STXBP5L: variants seen among roughly 807,000 people sequenced by gnomAD.
STXBP5L encodes syntaxin binding protein 5L, also known as syntaxin-binding protein 5-like.
In STXBP5L, 65 loss-of-function variants were observed where a neutral mutation model predicts 144.5. That is an observed-to-expected ratio of 0.45 (90% CI 0.37 to 0.55). The LOEUF (loss-of-function observed/expected upper bound fraction) is 0.55. Among genes scored for constraint, STXBP5L ranks in the 20% least tolerant of loss-of-function variants. The pLI, the probability that STXBP5L is intolerant of heterozygous loss-of-function variation, is 0.00. For synonymous variants in STXBP5L, 505 were observed against 469.6 expected, an observed-to-expected ratio of 1.08 and a Z score of -0.97; for missense variants, 1,298 against 1,405.5, an observed-to-expected ratio of 0.92 and a Z score of 1.22.
intron 22 of STXBP5L, 91 bp downstream of exon 22, chr3:121,381,623 C>G (rs1166819748): frequency 6.6e-7 from 1 of 1,507,256 alleles, no homozygotes; most frequent in Non-Finnish European, 8.9e-7. Context: ...TGATTTGGAG[C>G]AAAGGTTATA....
At chr3:120,982,321 C>G (rs1385004216) in intron 3 of STXBP5L, among the ~76,000 whole-genome samples, 1 of 152,162 alleles carries the variant, frequency 6.6e-6, no homozygotes, top group African/African-American at 2.4e-5. Context: ...CTGGGTGGAA[C>G]TGGACATCCA....
chr3:120,989,504 G>GT (rs1942624934), intron 3 of STXBP5L, among the ~76,000 whole-genome samples: 1 of 152,024 alleles, frequency 6.6e-6, no homozygotes, highest in African/African-American at 2.4e-5. Context: ...TTGTTGAGTT[G>GT]TTTGAATTCC....
chr3:121,215,119 G>A (rs1473898322), intron 10 of STXBP5L, among the ~76,000 whole-genome samples: 6 of 151,690 alleles, frequency 4.0e-5, no homozygotes, highest in Admixed American at 6.6e-5. Context: ...ATGGGTCTCC[G>A]TAATACAGCA....
At chr3:121,371,748 G>C (rs538024923) in intron 20 of STXBP5L, among the ~76,000 whole-genome samples, 2 of 152,356 alleles carry the variant, frequency 1.3e-5, no homozygotes, top group Admixed American at 1.3e-4. Flanking sequence ...CATGCTGGTA[G>C]TGGTGGCCGC....
intron 5 of STXBP5L, among the ~76,000 whole-genome samples, chr3:121,095,998 C>T (rs2043103234): frequency 6.6e-6 from 1 of 151,892 alleles, no homozygotes. Context: ...TAGTGTCTGT[C>T]ACCGCTTCTC....
At chr3:120,982,449 C>T (rs989869060) in intron 3 of STXBP5L, among the ~76,000 whole-genome samples, 4 of 152,170 alleles carry the variant, frequency 2.6e-5, no homozygotes, top group Admixed American at 2.6e-4. Flanking sequence ...GCTGCACCAG[C>T]TTCACATCCT....
At chr3:120,953,136 T>C (rs1030587836) in intron 2 of STXBP5L, among the ~76,000 whole-genome samples, 7 of 151,914 alleles carry the variant, frequency 4.6e-5, no homozygotes, top group Admixed American at 3.3e-4. Flanking sequence ...TGTCAGGCAT[T>C]GTTCTAACAA....
intron 9 of STXBP5L, among the ~76,000 whole-genome samples, chr3:121,185,126 C>T (rs910524642): frequency 2.0e-5 from 3 of 152,056 alleles, no homozygotes; most frequent in African/African-American, 7.2e-5. Context: ...TAAAGACCAT[C>T]GACACTCTGA....
At position 120,984,632 on chromosome 3, in the gene STXBP5L, C is replaced by CTTTTTTTTTTTTTTT. The variant is rs35656223; in HGVS notation, c.287+29603_287+29617dup. Among the ~76,000 whole-genome samples, 83 of 71,960 alleles carry CTTTTTTTTTTTTTTT rather than the reference C, an allele frequency of 1.2e-3. 1 individual carries two copies. Among genetic ancestry groups the CTTTTTTTTTTTTTTT allele is most frequent in the African/African-American group, 2.4e-3 (39 of 16,280 alleles). 47.2% of individuals were successfully genotyped at this position (71,960 alleles called of 152,430 possible). On this transcript the variant is annotated intron_variant, in intron 3 of 26. Transcript: ENST00000471454. Reference sequence around the variant, plus strand: ...TGGATGCCTTTCATTTCTTTCTTTCCTTTTTTTTTTTTTTTTTTTTTTGCC... The same window carrying CTTTTTTTTTTTTTTT: ...TGGATGCCTTTCATTTCTTTCTTTCCTTTTTTTTTTTTTTTTTTTTTTTTTTTTTTTTTTTTTGCC...
At chr3:121,321,729 C>G (rs1035682317) in intron 20 of STXBP5L, among the ~76,000 whole-genome samples, 1 of 152,178 alleles carries the variant, frequency 6.6e-6, no homozygotes, top group Non-Finnish European at 1.5e-5. Flanking sequence ...TCAGCTCTCA[C>G]CCCTTTAAAT....
chr3:121,146,922 G>T (rs893730635), intron 7 of STXBP5L, among the ~76,000 whole-genome samples: 4 of 152,010 alleles, frequency 2.6e-5, no homozygotes, highest in African/African-American at 7.2e-5. Flanking sequence ...CATGATGTGT[G>T]TGTATGTATA....
intron 11 of STXBP5L, among the ~76,000 whole-genome samples, chr3:121,231,594 T>G (rs772786648): frequency 3.9e-5 from 6 of 152,162 alleles, no homozygotes; most frequent in Non-Finnish European, 5.9e-5. Flanking sequence ...TTCCCCATTT[T>G]GCTTGGAAGT....
chr3:121,361,841 G>T (rs2045721575), intron 20 of STXBP5L, among the ~76,000 whole-genome samples: 1 of 152,046 alleles, frequency 6.6e-6, no homozygotes, highest in South Asian at 2.1e-4. Context: ...CCTGGATAGT[G>T]TTGATGCTAG....
At chr3:120,995,116 A>T (rs1347136284) in intron 3 of STXBP5L, among the ~76,000 whole-genome samples, 1 of 152,102 alleles carries the variant, frequency 6.6e-6, no homozygotes, top group Non-Finnish European at 1.5e-5. Context: ...TCTGCAAATT[A>T]AAAAAGTGTT....
At chr3:121,179,229 A>G (rs1233148876) in intron 9 of STXBP5L, among the ~76,000 whole-genome samples, 3 of 152,126 alleles carry the variant, frequency 2.0e-5, no homozygotes, top group Admixed American at 2.0e-4. Context: ...TCCATAGGAG[A>G]CAGTGAACTC....
intron 22 of STXBP5L, among the ~76,000 whole-genome samples, chr3:121,388,401 C>T (rs1461760280): frequency 1.3e-5 from 2 of 152,194 alleles, no homozygotes; most frequent in African/African-American, 2.4e-5. Context: ...CTTTCTCTTG[C>T]CGGATTGCCC....
intron 3 of STXBP5L, among the ~76,000 whole-genome samples, chr3:121,023,449 C>T (rs777633704): frequency 2.0e-5 from 3 of 152,008 alleles, no homozygotes; most frequent in Non-Finnish European, 4.4e-5. Context: ...CAAGACAAAG[C>T]AAAAAGAACA....
intron 3 of STXBP5L, among the ~76,000 whole-genome samples, chr3:120,980,600 A>T (rs1453711163): frequency 2.0e-5 from 3 of 151,842 alleles, no homozygotes; most frequent in Non-Finnish European, 4.4e-5. Context: ...TATCTTTATG[A>T]GTTAGGTGGG....
Position 121,152,465 on chromosome 3 carries a change from A to G in STXBP5L, c.670-12A>G, listed in dbSNP as rs750949077. The G allele has an allele frequency of 6.4e-7, 1 of 1,573,966 alleles. No individual in the cohort carries two copies. The highest frequency in any genetic ancestry group is 2.3e-5 in the East Asian group (1 of 44,148). Reference sequence around the variant, plus strand: ...TTAGAATTAAGAAAATGATTGTTCTAATGTTTTCCAGCTGCTAATAGGTTA... The same window carrying G: ...TTAGAATTAAGAAAATGATTGTTCTGATGTTTTCCAGCTGCTAATAGGTTA... On this transcript the variant is annotated splice_polypyrimidine_tract_variant and intron_variant, in intron 7 of 26. Coordinates refer to ENST00000471454, the MANE Select transcript of STXBP5L (RefSeq NM_001308330.2).
Sources: allele counts gnomAD v4.1 joint callset (sites outside exome capture counted in the v4.1 genomes callset), GRCh38; gene constraint gnomAD v4.1.1; transcripts MANE v1.5; gene names NCBI Gene and HGNC (gene_info 2026-07-23, HGNC 2026-07-21).